The following PHKA1 variants were observed in gnomAD, a reference collection of about 807,000 sequenced individuals.
The protein encoded by PHKA1 is phosphorylase kinase regulatory subunit alpha 1.
PHKA1 carries 60 observed loss-of-function variants against 110.2 expected under a neutral mutation model. The observed-to-expected ratio is 0.54, with a 90% CI of 0.44 to 0.68. The LOEUF (loss-of-function observed/expected upper bound fraction) is 0.68. Among genes scored for constraint, PHKA1 ranks in the 30% least tolerant of loss-of-function variants. The pLI is 0.00. For missense variants in PHKA1, 801 were observed against 942.5 expected (o/e 0.85, Z 1.97); for synonymous variants, 316 against 333.6 (o/e 0.95, Z 0.58).
intron 16 of PHKA1, among the ~76,000 whole-genome samples, chrX:72,630,124 T>C (rs897879985): frequency 1.8e-5 from 2 of 111,513 alleles, no homozygotes; most frequent in African/African-American, 6.5e-5. Context: ...TGGTGGTGCA[T>C]GCCTGTAATC....
rs2054401758 is a variant in PHKA1, at chrX:72,712,760, G to A, written c.237+19C>T. 8.3e-7 allele frequency: 1 copy of A among 1,201,046 alleles called. No homozygotes were observed. The highest frequency in any genetic ancestry group is 2.2e-5 in the Admixed American group (1 of 45,667). ...ATCACACATAGCTCCAGATCTCTTTGTATTTTTATTTTGAGTACCTGCTCC... is the reference window on the plus strand; with the variant it reads ...ATCACACATAGCTCCAGATCTCTTTATATTTTTATTTTGAGTACCTGCTCC... On this transcript the variant is annotated intron_variant, in intron 2 of 31. Coordinates refer to ENST00000373542, the MANE Select transcript of PHKA1 (RefSeq NM_002637.4).
At position 72,579,879 on chromosome X, in the gene PHKA1, A is replaced by C. The variant is rs1308153243; in HGVS notation, c.*1123T>G. 2.7e-5 allele frequency: 3 copies of C among 111,713 alleles called. No homozygotes were observed. The highest frequency in any genetic ancestry group is 9.8e-5 in the African/African-American group (3 of 30,725). The allele number at this position is 111,713 out of a possible 1,213,427, so 9.2% of individuals were successfully genotyped here. ...AAAATATATATGAAAGAGTTTAAGA[A>C]TAGATGGGGGGATAGGGTGTCAGGG... On this transcript the variant is annotated 3_prime_UTR_variant, in exon 32 of 32. Transcript: ENST00000373542.
chrX:72,673,975 G>T (rs1556310416), intron 6 of PHKA1, among the ~76,000 whole-genome samples: 2 of 72,183 alleles, frequency 2.8e-5, no homozygotes. Flanking sequence ...CCCACAACAG[G>T]CCCCGGTGTG....
chrX:72,687,523 T>C (rs1305099549), intron 4 of PHKA1, among the ~76,000 whole-genome samples: 1 of 111,136 alleles, frequency 9.0e-6, no homozygotes, highest in Non-Finnish European at 1.9e-5. Context: ...TCCATTCATA[T>C]GGCCTTCCCT....
chrX:72,596,277 G>A (rs1332196532), intron 28 of PHKA1, among the ~76,000 whole-genome samples: 2 of 111,483 alleles, frequency 1.8e-5, no homozygotes, highest in African/African-American at 6.5e-5. Flanking sequence ...TAGAACGGTA[G>A]TTGTCAGGGG....
At chrX:72,713,021 G>A (rs2054406914) in intron 1 of PHKA1, 84 bp from the exon 2 acceptor site, 1 of 1,016,744 alleles carries the variant, frequency 9.8e-7, no homozygotes, top group African/African-American at 1.9e-5. Flanking sequence ...GGTTTTTTAG[G>A]GACTTTGGTC....
At chrX:72,710,257 C>T (rs1405152920) in intron 2 of PHKA1, among the ~76,000 whole-genome samples, 4 of 111,606 alleles carry the variant, frequency 3.6e-5, no homozygotes, top group East Asian at 2.8e-4. Flanking sequence ...CAACCAAACA[C>T]GGATCAAAAA....
At chrX:72,706,679 A>G (rs1392785691) in intron 2 of PHKA1, among the ~76,000 whole-genome samples, 1 of 111,347 alleles carries the variant, frequency 9.0e-6, no homozygotes, top group East Asian at 2.8e-4. Context: ...CCAATATAGA[A>G]CTCAGCATTT....
chrX:72,588,885 C>T (rs782520447), intron 29 of PHKA1, among the ~76,000 whole-genome samples: 3 of 111,358 alleles, frequency 2.7e-5, no homozygotes, highest in Non-Finnish European at 5.7e-5. Flanking sequence ...CAGGAAGAAA[C>T]TGAATCTCTG....
At chrX:72,708,047 G>T (rs868955921) in intron 2 of PHKA1, 2 of 111,111 alleles carry the variant, frequency 1.8e-5, no homozygotes, top group African/African-American at 6.6e-5. Context: ...AAGGATATTA[G>T]TTTAGATTGA....
At chrX:72,645,629 C>T (rs2053351719) in intron 13 of PHKA1, among the ~76,000 whole-genome samples, 1 of 111,699 alleles carries the variant, frequency 9.0e-6, no homozygotes, top group Admixed American at 9.5e-5. Flanking sequence ...GAGGACAGTC[C>T]AGGAAAAAAC....
At chrX:72,634,380 A>G (rs782386079) in intron 16 of PHKA1, among the ~76,000 whole-genome samples, 1 of 111,205 alleles carries the variant, frequency 9.0e-6, no homozygotes, top group African/African-American at 3.3e-5. Context: ...ATGATTAATA[A>G]TAAGGGATTT....
chrX:72,700,604 C>A (rs2147834242), intron 3 of PHKA1, among the ~76,000 whole-genome samples: 1 of 111,694 alleles, frequency 9.0e-6, no homozygotes, highest in African/African-American at 3.2e-5. Flanking sequence ...TTATTGTGTG[C>A]CACAGAGGTA....
chrX:72,641,215 G>A (rs782456343), intron 14 of PHKA1, among the ~76,000 whole-genome samples: 3 of 111,701 alleles, frequency 2.7e-5, no homozygotes, highest in Admixed American at 9.5e-5. Flanking sequence ...GTTCGTCTTT[G>A]TAAATAATCA....
At chrX:72,626,864 A>G (rs2053080157) in intron 17 of PHKA1, 107 bp downstream of exon 17, 1 of 635,670 alleles carries the variant, frequency 1.6e-6, no homozygotes. Context: ...CAAATTGTAG[A>G]TAAGGGGGGA....
intron 3 of PHKA1, among the ~76,000 whole-genome samples, chrX:72,696,454 C>T (rs1230535698): frequency 9.0e-6 from 1 of 111,166 alleles, no homozygotes; most frequent in Non-Finnish European, 1.9e-5. Context: ...CAAAGTCATC[C>T]CTCTGCTCAC....
chrX:72,657,903 A>G (rs897335060), intron 8 of PHKA1, among the ~76,000 whole-genome samples: 2 of 112,079 alleles, frequency 1.8e-5, no homozygotes, highest in African/African-American at 6.5e-5. Flanking sequence ...TCCTAACAGT[A>G]TCCTCTCCAT....
intron 6 of PHKA1, 121 bp downstream of exon 6, chrX:72,675,949 C>A: frequency 1.8e-6 from 1 of 545,778 alleles, no homozygotes; most frequent in Non-Finnish European, 3.2e-6. Context: ...TGAATGTTGC[C>A]TGTGGTTTAA....
intron 7 of PHKA1, among the ~76,000 whole-genome samples, chrX:72,666,813 G>C (rs2053620500): frequency 8.9e-6 from 1 of 112,101 alleles, no homozygotes; most frequent in Non-Finnish European, 1.9e-5. Context: ...AATTGGAGAT[G>C]AGTTTATATT....
Sources: gnomAD v4.1 joint callset for allele counts (sites outside exome capture counted in the v4.1 genomes callset) on GRCh38, gnomAD v4.1.1 for gene constraint, MANE v1.5 for transcripts, NCBI Gene and HGNC (gene_info 2026-07-23, HGNC 2026-07-21) for gene names.